The following VRK2 variants were observed in gnomAD, a reference collection of about 807,000 sequenced individuals.
The protein encoded by VRK2 is VRK serine/threonine kinase 2, also known as serine/threonine-protein kinase VRK2.
Under a neutral mutation model 57.6 loss-of-function variants are expected in VRK2, and 60 were observed. The ratio of observed to expected loss-of-function variants is 1.04; its 90% confidence interval spans 0.85 to 1.29. The LOEUF (loss-of-function observed/expected upper bound fraction) is 1.29. Among genes scored for constraint, VRK2 ranks in the 50% most tolerant of loss-of-function variants. The pLI is 0.00. For synonymous variants in VRK2, 231 were observed against 199.2 expected, an observed-to-expected ratio of 1.16 and a Z score of -1.35; for missense variants, 705 against 588.1, an observed-to-expected ratio of 1.20 and a Z score of -2.06.
rs375797719 is a variant in VRK2, at chr2:58,037,974, C to T, written c.-6+4421C>T. Among the ~76,000 whole-genome samples the T allele has an allele frequency of 3.3e-4, 51 of 152,262 alleles. No individual in the cohort carries two copies. The South Asian group carries it at 9.5e-3, about 28-fold the overall frequency. ...GGCAGTGTAGCAAGTATTCATTCAA[C>T]AAGCATTTATTTCATTGCCTGCTAC... On this transcript the variant is annotated intron_variant, in intron 3 of 15. Transcript: ENST00000417641.
chr2:58,014,526 T>C (rs1044307204), intron 1 of VRK2, among the ~76,000 whole-genome samples: 1 of 152,236 alleles, frequency 6.6e-6, no homozygotes, highest in African/African-American at 2.4e-5. Context: ...CCTTGCATTC[T>C]GCTTCAACAA....
chr2:57,911,424 A>G (rs1011656060), intron 1 of VRK2, among the ~76,000 whole-genome samples: 2 of 152,206 alleles, frequency 1.3e-5, no homozygotes, highest in Non-Finnish European at 2.9e-5. Flanking sequence ...CACAATATAG[A>G]TAACACAGAC....
At chr2:57,987,658 T>C (rs1338449537) in intron 1 of VRK2, among the ~76,000 whole-genome samples, 1 of 152,156 alleles carries the variant, frequency 6.6e-6, no homozygotes, top group Admixed American at 6.5e-5. Context: ...TGGACACTTA[T>C]CTACATGAAA....
At chr2:58,081,555 T>C (rs552967614) in intron 2 of VRK2, among the ~76,000 whole-genome samples, 5 of 152,086 alleles carry the variant, frequency 3.3e-5, no homozygotes, top group South Asian at 4.1e-4. Context: ...TTTGGAGTTA[T>C]GAACCTCTGT....
At chr2:58,003,860 T>C (rs1184961982) in intron 1 of VRK2, among the ~76,000 whole-genome samples, 1 of 152,180 alleles carries the variant, frequency 6.6e-6, no homozygotes, top group Non-Finnish European at 1.5e-5. Flanking sequence ...TTTAACTTTC[T>C]AATAATTGTT....
At chr2:57,937,561 T>G (rs1178263527) in intron 1 of VRK2, among the ~76,000 whole-genome samples, 1 of 152,204 alleles carries the variant, frequency 6.6e-6, no homozygotes, top group African/African-American at 2.4e-5. Flanking sequence ...TATAAATAAA[T>G]CTGTCTGTCC....
intron 1 of VRK2, among the ~76,000 whole-genome samples, chr2:57,908,884 G>A (rs1160335228): frequency 6.6e-6 from 1 of 152,102 alleles, no homozygotes; most frequent in African/African-American, 2.4e-5. Flanking sequence ...AACTTGGGGT[G>A]ATTTCTTGTA....
In VRK2 at chr2:58,007,324, G is replaced by A. The variant is rs983270989; in HGVS notation, c.-438-18341G>A. On this transcript the variant is annotated intron_variant, in intron 1 of 15. Transcript: ENST00000417641. Reference sequence around the variant, plus strand: ...AATTGATTCTTTTCTCTGGAAAATCGTGGCTAACAGAACGAATACAGTTGG... The same window carrying A: ...AATTGATTCTTTTCTCTGGAAAATCATGGCTAACAGAACGAATACAGTTGG... Among the ~76,000 whole-genome samples, 4 of 150,384 alleles carry A rather than the reference G, an allele frequency of 2.7e-5. No individual in the cohort carries two copies. The South Asian group carries it at 8.4e-4, about 32-fold the overall frequency.
chr2:58,033,351 G>C (rs1275162196), exon 3 of VRK2: 1 of 152,000 alleles, frequency 6.6e-6, no homozygotes, highest in African/African-American at 2.4e-5. Flanking sequence ...GGCTTTCTAA[G>C]AAGGAAGAAG....
chr2:58,024,570 G>A (rs1226886721), intron 1 of VRK2, among the ~76,000 whole-genome samples: 2 of 152,128 alleles, frequency 1.3e-5, no homozygotes, highest in African/African-American at 4.8e-5. Context: ...AAAGAGAATT[G>A]TGGCCTTCCT....
At chr2:58,018,292 TG>T (rs1470424870) in intron 1 of VRK2, among the ~76,000 whole-genome samples, 1 of 152,172 alleles carries the variant, frequency 6.6e-6, no homozygotes, top group East Asian at 1.9e-4. Context: ...CATGCCTGGC[TG>T]AAAATATATT....
chr2:57,936,984 T>C (rs1396501195), intron 1 of VRK2, among the ~76,000 whole-genome samples: 3 of 152,226 alleles, frequency 2.0e-5, no homozygotes, highest in Non-Finnish European at 2.9e-5. Flanking sequence ...ATATCTGCTC[T>C]TTCCCCAGCA....
exon 3 of VRK2, chr2:58,033,420 T>G (rs1420716790): frequency 1.3e-5 from 2 of 151,930 alleles, no homozygotes; most frequent in African/African-American, 2.4e-5. Context: ...AGATGGAAGA[T>G]GGGGACACAA....
At chr2:58,091,340 C>G (rs1432662264) in intron 7 of VRK2, among the ~76,000 whole-genome samples, 1 of 152,118 alleles carries the variant, frequency 6.6e-6, no homozygotes, top group Non-Finnish European at 1.5e-5. Flanking sequence ...ATTTTCCACT[C>G]AGTTTTACCT....
intron 1 of VRK2, among the ~76,000 whole-genome samples, chr2:57,962,899 G>T (rs17049268): frequency 0.011 from 1,717 of 152,224 alleles, 35 homozygotes; most frequent in African/African-American, 0.039. Context: ...GTGCTGTGAA[G>T]TTCAACAAAA....
intron 1 of VRK2, among the ~76,000 whole-genome samples, chr2:57,991,948 C>G (rs1383579077): frequency 1.4e-5 from 2 of 147,002 alleles, no homozygotes; most frequent in Non-Finnish European, 3.0e-5. Context: ...CAGCATGAGA[C>G]TCCAACTCAA....
chr2:57,915,927 C>A (rs1188022187), intron 1 of VRK2, among the ~76,000 whole-genome samples: 2 of 152,128 alleles, frequency 1.3e-5, no homozygotes, highest in Non-Finnish European at 2.9e-5. Flanking sequence ...AGGTTGCACG[C>A]TCCTTATGAG....
Position 57,923,756 on chromosome 2 carries a change from G to C in VRK2, c.-439+15917G>C, listed in dbSNP as rs187820314. The stretch of plus-strand genomic sequence containing the variant: ...GTTGTGATCCCGTTTATCCCCTTTT[G>C]CTTTGGTTGCCTTTGCTTGTGGATA... On this transcript the variant is annotated intron_variant, in intron 1 of 15. Transcript: ENST00000417641. Among the ~76,000 whole-genome samples, 27 of 151,850 alleles carry C rather than the reference G, an allele frequency of 1.8e-4. 1 individual carries two copies. Among genetic ancestry groups the C allele is most frequent in the East Asian group, 5.8e-4 (3 of 5,166 alleles).
chr2:58,061,349 A>G (rs1677310271), intron 2 of VRK2, among the ~76,000 whole-genome samples: 1 of 151,950 alleles, frequency 6.6e-6, no homozygotes, highest in African/African-American at 2.4e-5. Context: ...ATAAGTATGT[A>G]ATATATACCA....
Sources: allele counts gnomAD v4.1 joint callset (sites outside exome capture counted in the v4.1 genomes callset), GRCh38; gene constraint gnomAD v4.1.1; transcripts MANE v1.5; gene names NCBI Gene and HGNC (gene_info 2026-07-23, HGNC 2026-07-21).